Variants in POU2F2 observed in about 807,000 individuals in gnomAD.
POU2F2 encodes POU class 2 homeobox 2, also known as POU domain, class 2, transcription factor 2.
A neutral mutation model predicts 63.5 loss-of-function variants in POU2F2; 14 were observed. The observed-to-expected ratio is 0.22, with a 90% CI of 0.15 to 0.34. The LOEUF (loss-of-function observed/expected upper bound fraction) is 0.34. Ranked by LOEUF, POU2F2 falls within the 10% of genes least tolerant of loss-of-function variation. The pLI, the probability that POU2F2 is intolerant of heterozygous loss-of-function variation, is 1.00. For synonymous variants in POU2F2, 306 were observed against 348.6 expected (o/e 0.88, Z 1.36); for missense variants, 607 against 815.2 (o/e 0.74, Z 3.11).
chr19:42,124,472 C>T (rs2033003357), intron 1 of POU2F2, among the ~76,000 whole-genome samples: 1 of 151,476 alleles, frequency 6.6e-6, no homozygotes, highest in Admixed American at 6.6e-5. Context: ...AAAAACAGGT[C>T]ATGCATTGCT....
chr19:42,189,780 A>C (rs1029386793), intron 1 of POU2F2, among the ~76,000 whole-genome samples: 1 of 152,080 alleles, frequency 6.6e-6, no homozygotes, highest in Non-Finnish European at 1.5e-5. Flanking sequence ...CCTAGGCTGG[A>C]GTGCAGTGGT....
chr19:42,143,567 G>T (rs1372293466), intron 2 of POU2F2, among the ~76,000 whole-genome samples: 1 of 152,062 alleles, frequency 6.6e-6, no homozygotes, highest in African/African-American at 2.4e-5. Flanking sequence ...GGGTACTAAC[G>T]ACCCAAGCCT....
At chr19:42,179,509 G>A (rs1411069456), upstream of POU2F2, among the ~76,000 whole-genome samples, 3 of 151,956 alleles carry the variant, frequency 2.0e-5, no homozygotes, top group South Asian at 4.2e-4. Context: ...GTGTGAGAGG[G>A]AGGGAACAGG....
At chr19:42,170,149 AC>A (rs1339891937) in intron 1 of POU2F2, among the ~76,000 whole-genome samples, 1 of 150,928 alleles carries the variant, frequency 6.6e-6, no homozygotes, top group South Asian at 2.1e-4. Flanking sequence ...GGGTTGTGTG[AC>A]CCCCCTCCAG....
At chr19:42,148,345 T>G (rs555777011) in intron 2 of POU2F2, among the ~76,000 whole-genome samples, 67 of 152,274 alleles carry the variant, frequency 4.4e-4, no homozygotes, top group African/African-American at 1.6e-3. Flanking sequence ...TAGTGAAAAG[T>G]AAGCACTGTT....
intron 2 of POU2F2, among the ~76,000 whole-genome samples, chr19:42,142,705 G>A (rs1249439680): frequency 6.6e-6 from 1 of 152,036 alleles, no homozygotes; most frequent in African/African-American, 2.4e-5. Context: ...TGGGACCAAA[G>A]GCACATGCTA....
At chr19:42,149,617 A>C (rs1035001010) in intron 2 of POU2F2, among the ~76,000 whole-genome samples, 2 of 152,142 alleles carry the variant, frequency 1.3e-5, no homozygotes, top group Non-Finnish European at 2.9e-5. Flanking sequence ...GTCAGAGTCA[A>C]ATAGAGAGAC....
In POU2F2 at chr19:42,090,077, G is replaced by A. The variant is rs1217053442; in HGVS notation, c.*1180C>T. On this transcript the variant is annotated 3_prime_UTR_variant, in exon 15 of 15. Coordinates refer to ENST00000692977, the MANE Select transcript of POU2F2 (RefSeq NM_001394376.1). This position sits in a 1 kb window ranked among gnomAD's most constrained non-coding sequence, Gnocchi z 4.4. ...GGGGTGTGTGCGTGCGTGCATGTGG[G>A]GGGAGGGAGAGGCATTCGCCAGTAC... 1 of 152,660 alleles carries A rather than the reference G, an allele frequency of 6.6e-6. No homozygotes were observed. The highest frequency in any genetic ancestry group is 6.5e-5 in the Admixed American group (1 of 15,288). 9.5% of individuals were successfully genotyped at this position (152,660 alleles called of 1,614,324 possible).
At chr19:42,174,648 A>T (rs1599717587) in intron 1 of POU2F2, among the ~76,000 whole-genome samples, 1 of 151,652 alleles carries the variant, frequency 6.6e-6, no homozygotes, top group Non-Finnish European at 1.5e-5. Flanking sequence ...CAGCACACAC[A>T]GTTAGTCCTT....
chr19:42,148,187 C>G (rs2034270434), intron 2 of POU2F2, among the ~76,000 whole-genome samples: 1 of 152,080 alleles, frequency 6.6e-6, no homozygotes, highest in Admixed American at 6.6e-5. Context: ...CAAGACCCAC[C>G]CAGCCCTGCC....
intron 11 of POU2F2, among the ~76,000 whole-genome samples, chr19:42,094,125 C>T (rs1345702516): frequency 6.6e-6 from 1 of 152,248 alleles, no homozygotes; most frequent in African/African-American, 2.4e-5. Flanking sequence ...TCTTCTGACA[C>T]CGCCCCATCT....
intron 5 of POU2F2, among the ~76,000 whole-genome samples, chr19:42,111,938 TG>T (rs1309094320): frequency 6.6e-6 from 1 of 152,186 alleles, no homozygotes; most frequent in Non-Finnish European, 1.5e-5. Flanking sequence ...CCCCAGTGGT[TG>T]GCCCTGTGAC....
upstream of POU2F2, among the ~76,000 whole-genome samples, chr19:42,134,224 GC>G (rs1403336313): frequency 1.4e-5 from 2 of 143,968 alleles, no homozygotes; most frequent in Non-Finnish European, 3.1e-5. Context: ...ATGGGGGGGG[GC>G]AAAACCTCAC....
intron 5 of POU2F2, among the ~76,000 whole-genome samples, chr19:42,112,798 C>A (rs1297472258): frequency 6.6e-6 from 1 of 152,206 alleles, no homozygotes; most frequent in Non-Finnish European, 1.5e-5. Context: ...CCAGACCAGG[C>A]CTTTTCAGTG....
intron 2 of POU2F2, among the ~76,000 whole-genome samples, chr19:42,141,518 G>A (rs995938579): frequency 2.5e-5 from 3 of 122,320 alleles, no homozygotes; most frequent in African/African-American, 6.5e-5. Context: ...TCTTGCTCTC[G>A]TTGCCCAGGC....
Position 42,122,604 on chromosome 19 carries a change from G to A in POU2F2, c.29-28C>T, listed in dbSNP as rs1387892122. The A allele has an allele frequency of 2.0e-6, 3 of 1,515,710 alleles. No homozygotes were observed. In the African/African-American group the frequency reaches 4.2e-5, roughly 21 times the overall value. 93.9% of individuals were successfully genotyped at this position (1,515,710 alleles called of 1,614,324 possible). A position where few individuals can be genotyped will look rare whatever the true frequency, so the allele number is the denominator to read the frequency against. On this transcript the variant is annotated intron_variant, in intron 1 of 14. Coordinates refer to ENST00000692977, the MANE Select transcript of POU2F2 (RefSeq NM_001394376.1). Reference sequence around the variant, plus strand: ...GGGGACAGAGGAGGAATGGAAGTGGGGTGAAGGAGGGGAATCCAGGAGGGC... The same window carrying A: ...GGGGACAGAGGAGGAATGGAAGTGGAGTGAAGGAGGGGAATCCAGGAGGGC...
Position 42,153,156 on chromosome 19 carries a change from G to A in POU2F2, c.-9+7176C>T, listed in dbSNP as rs1045623053. On this transcript the variant is annotated intron_variant, in intron 2 of 6. Coordinates refer to the POU2F2 transcript ENST00000524801. This position sits in a 1 kb window ranked among gnomAD's most constrained non-coding sequence, Gnocchi z 5.6. ...GCGGCTTCGGACAGGAGGTTCCAGC[G>A]AGAGGTCTGTGGTGTGCGAGCTGCC... 2.0e-5 allele frequency among the ~76,000 whole-genome samples: 3 copies of A among 152,204 alleles called. No individual in the cohort carries two copies. The highest frequency in any genetic ancestry group is 3.8e-4 in the East Asian group (2 of 5,200).
chr19:42,119,412 C>T (rs2146594833), intron 4 of POU2F2, among the ~76,000 whole-genome samples: 1 of 152,256 alleles, frequency 6.6e-6, no homozygotes, highest in Middle Eastern at 3.4e-3. Context: ...CGGTGGCTCG[C>T]CCCTTAATCC....
chr19:42,170,162 G>A (rs1039654476), intron 1 of POU2F2, among the ~76,000 whole-genome samples: 2 of 152,090 alleles, frequency 1.3e-5, no homozygotes, highest in Non-Finnish European at 2.9e-5. Flanking sequence ...CCCCTCCAGA[G>A]GTCTGATGAG....
Sources: allele counts gnomAD v4.1 joint callset (sites outside exome capture counted in the v4.1 genomes callset), GRCh38; gene constraint gnomAD v4.1.1; non-coding constraint Gnocchi (gnomAD v3.1); transcripts MANE v1.5; gene names NCBI Gene and HGNC (gene_info 2026-07-23, HGNC 2026-07-21).